Variants in GLB1L2 observed in about 807,000 individuals in gnomAD.
The protein encoded by GLB1L2 is galactosidase beta 1 like 2.
Under a neutral mutation model 84.1 loss-of-function variants are expected in GLB1L2, and 68 were observed. The ratio of observed to expected loss-of-function variants is 0.81; its 90% CI spans 0.67 to 0.99. The LOEUF is 0.99. GLB1L2 is among the 50% of genes least tolerant of loss of function. The pLI is 0.00. For synonymous variants in GLB1L2, 290 were observed against 318.0 expected (o/e 0.91, Z 0.94); for missense variants, 762 against 805.6 (o/e 0.95, Z 0.66).
At chr11:134,350,111 AGC>A (rs1943605999) in intron 5 of GLB1L2, among the ~76,000 whole-genome samples, 1 of 152,184 alleles carries the variant, frequency 6.6e-6, no homozygotes, top group East Asian at 1.9e-4. Context: ...GAACTCCCTT[AGC>A]CATGCCAGCT....
intron 8 of GLB1L2, among the ~76,000 whole-genome samples, chr11:134,365,422 A>G (rs963462584): frequency 3.9e-5 from 6 of 152,156 alleles, no homozygotes; most frequent in Non-Finnish European, 5.9e-5. Context: ...GGTGCCTCTC[A>G]TACTTGTGAC....
At chr11:134,365,309 C>A (rs1350954075) in intron 8 of GLB1L2, among the ~76,000 whole-genome samples, 1 of 152,232 alleles carries the variant, frequency 6.6e-6, no homozygotes, top group Non-Finnish European at 1.5e-5. Context: ...GCCCCGCTCC[C>A]AGGCAGGCTC....
Position 134,358,082 on chromosome 11 carries a change from C to T in GLB1L2, c.652-978C>T, listed in dbSNP as rs141546046. ...GCCCCCTCTGCTCTTTCCTTCCCCGCGTGTGGGACTGGACACGAGCCTTAT... is the reference window on the plus strand; with the variant it reads ...GCCCCCTCTGCTCTTTCCTTCCCCGTGTGTGGGACTGGACACGAGCCTTAT... On this transcript the variant is annotated intron_variant, in intron 6 of 18. Transcript: ENST00000535456. 1.6e-3 allele frequency among the ~76,000 whole-genome samples: 240 copies of T among 152,338 alleles called. 1 individual carries two copies. Among genetic ancestry groups the T allele is most frequent in the African/African-American group, 5.3e-3 (220 of 41,568 alleles).
chr11:134,354,479 A>T (rs754666697), intron 5 of GLB1L2, among the ~76,000 whole-genome samples: 3 of 152,000 alleles, frequency 2.0e-5, no homozygotes, highest in African/African-American at 2.4e-5. Flanking sequence ...GGAGAACTTT[A>T]TATTTTCATA....
chr11:134,342,572 C>T (rs1943482383), intron 1 of GLB1L2, among the ~76,000 whole-genome samples, 182 bp from the exon 2 acceptor site: 1 of 152,210 alleles, frequency 6.6e-6, no homozygotes, highest in Admixed American at 6.5e-5. Context: ...TCCCCTGCCG[C>T]GGGGCCCCGT....
At chr11:134,367,450 G>A (rs931837757) in intron 9 of GLB1L2, 109 bp downstream of exon 9, 2 of 856,936 alleles carry the variant, frequency 2.3e-6, no homozygotes, top group Admixed American at 5.1e-5. Flanking sequence ...AGGCTGCTGG[G>A]ATTATCTGTG....
At position 134,371,749 on chromosome 11, in the gene GLB1L2, C is replaced by T. The variant is rs1171234223; in HGVS notation, c.1429-3C>T. ...GTCATCGTTAGCCCCGTGTTCCCGGCAGGGTTACACCGTGCTGAGGATCTT... is the reference window on the plus strand; with the variant it reads ...GTCATCGTTAGCCCCGTGTTCCCGGTAGGGTTACACCGTGCTGAGGATCTT... On this transcript the variant is annotated splice_region_variant and splice_polypyrimidine_tract_variant and intron_variant, in intron 14 of 18. Transcript: ENST00000535456. The T allele has an allele frequency of 6.2e-7, 1 of 1,613,946 alleles. No homozygotes were observed. Among genetic ancestry groups the T allele is most frequent in the East Asian group, 2.2e-5 (1 of 44,882 alleles).
At chr11:134,374,098 G>T (rs749254238) in intron 16 of GLB1L2, 47 bp from the exon 17 acceptor site, 19 of 1,385,780 alleles carry the variant, frequency 1.4e-5, no homozygotes, top group Middle Eastern at 1.8e-4. Context: ...TGTGCTGGTG[G>T]ATTGAGAAGG....
At chr11:134,369,544 T>C (rs867562008) in intron 10 of GLB1L2, among the ~76,000 whole-genome samples, 178 of 133,266 alleles carry the variant, frequency 1.3e-3, no homozygotes, top group Non-Finnish European at 1.9e-3. Flanking sequence ...TGTGAGCCAC[T>C]GCACAAGCGA....
chr11:134,371,130 C>G lies in GLB1L2; in HGVS notation c.1338C>G (p.His446Gln). 2 of 1,614,208 alleles carry G rather than the reference C, an allele frequency of 1.2e-6. No individual in the cohort carries two copies. The highest frequency in any genetic ancestry group is 1.6e-4 in the Middle Eastern group (1 of 6,062). The change falls in exon 13 of 19, where the codon CAC becomes CAG. Residue 446 changes from histidine (H) to glutamine (Q), a missense_variant. This residue lies in a region of GLB1L2 where 603 missense variants were observed against 611.7 expected (regional missense o/e 0.99). Coordinates refer to ENST00000535456, the MANE Select transcript of GLB1L2 (RefSeq NM_001370461.1). ...SITSSGILSG[H>Q]VHDRGQVFVN... ...CCTCGTCTGGCATCCTCAGTGGCCA[C>G]GTGCATGATCGGGGGCAGGTAGGAG...
At chr11:134,359,724 C>CA (rs1034133424) in intron 7 of GLB1L2, 2 of 152,390 alleles carry the variant, frequency 1.3e-5, no homozygotes, top group Admixed American at 1.3e-4. Context: ...CTGTCACACT[C>CA]AGAGTGAAGC....
chr11:134,355,920 G>T (rs1198214533), intron 5 of GLB1L2: 1 of 440,134 alleles, frequency 2.3e-6, no homozygotes, highest in African/African-American at 2.0e-5. Flanking sequence ...CCCCATGAGG[G>T]AGCGGGGAGT....
rs1591625207 is a variant in GLB1L2 at position 134,370,490 on chromosome 11, A to T, written c.1215+91A>T. Reference sequence around the variant, plus strand: ...AGTGCTGGGGGCAGTCGTCGGCGGGAGGTGAGAGTCGTCGGGGCAGCAGGG... The same window carrying T: ...AGTGCTGGGGGCAGTCGTCGGCGGGTGGTGAGAGTCGTCGGGGCAGCAGGG... On this transcript the variant is annotated intron_variant, in intron 12 of 18. Coordinates refer to ENST00000535456, the MANE Select transcript of GLB1L2 (RefSeq NM_001370461.1). This position sits in a 1 kb window ranked among gnomAD's most constrained non-coding sequence, Gnocchi z 4.7. The T allele has an allele frequency of 4.0e-6, 4 of 1,006,886 alleles. No individual in the cohort carries two copies. The Admixed American group carries it at 5.3e-5, about 13-fold the overall frequency. The allele number at this position is 1,006,886 out of a possible 1,614,324, so 62.4% of individuals were successfully genotyped here.
intron 1 of GLB1L2, 152 bp downstream of exon 1, chr11:134,332,299 T>G: frequency 3.6e-6 from 2 of 551,554 alleles, no homozygotes; most frequent in Non-Finnish European, 6.4e-6. Context: ...TACCCCCGAG[T>G]TCCCCTGCGG....
chr11:134,362,339 T>TC (rs148920652), intron 7 of GLB1L2, among the ~76,000 whole-genome samples: 46,403 of 110,418 alleles, frequency 0.42, 7,148 homozygotes, highest in African/African-American at 0.48. Context: ...CTGCCCGCGT[T>TC]CCTTCCCCGG....
chr11:134,332,985 T>C (rs999741418), intron 1 of GLB1L2, among the ~76,000 whole-genome samples: 1 of 152,120 alleles, frequency 6.6e-6, no homozygotes, highest in African/African-American at 2.4e-5. Context: ...AACTGAACGG[T>C]TGGAAGTGGT....
intron 15 of GLB1L2, 73 bp from the exon 16 acceptor site, chr11:134,373,648 C>T: frequency 6.4e-6 from 6 of 942,128 alleles, no homozygotes; most frequent in Non-Finnish European, 1.0e-5. Flanking sequence ...CCAGGGCTTC[C>T]CCTCGTGGCC....
At position 134,371,470 on chromosome 11, in the gene GLB1L2, A is replaced by T. The variant is rs1447459706; in HGVS notation, c.1406A>T (p.Lys469Met). The T allele has an allele frequency of 6.3e-7, 1 of 1,595,678 alleles. No homozygotes were observed. The highest frequency in any genetic ancestry group is 1.3e-5 in the African/African-American group (1 of 74,586). The change falls in exon 14 of 19, where the codon AAG becomes ATG. Residue 469 changes from lysine to methionine, a missense_variant. Physicochemically the swap from Lys to Met is moderately conservative, Grantham distance 95. Transcript: ENST00000535456. ...GGATTCTTGGACTACAAGACAACGA[A>T]GATTGCTGTCCCCCTGATCCAGGTT... ...SIGFLDYKTTKIAVPLIQGYT... is the reference protein window; with the variant it reads ...SIGFLDYKTTMIAVPLIQGYT...
chr11:134,342,683 C>T, intron 1 of GLB1L2, 71 bp from the exon 2 acceptor site: 1 of 1,460,622 alleles, frequency 6.8e-7, no homozygotes, highest in Non-Finnish European at 9.3e-7. Context: ...CGAGGACCTG[C>T]GAAGGGGCGA....
Sources: gnomAD v4.1 joint callset for allele counts (sites outside exome capture counted in the v4.1 genomes callset) on GRCh38, gnomAD v4.1.1 for gene constraint, gnomAD v4.1.1 regional missense constraint, Gnocchi (gnomAD v3.1) non-coding constraint, MANE v1.5 for transcripts, NCBI Gene and HGNC (gene_info 2026-07-23, HGNC 2026-07-21) for gene names.